The following RBAK variants were observed in gnomAD, a reference collection of about 807,000 sequenced individuals.
The protein encoded by RBAK is RB-associated KRAB zinc finger protein.
RBAK carries 39 observed loss-of-function variants against 65.8 expected under a neutral mutation model. That is an observed-to-expected ratio of 0.59 (90% CI 0.46 to 0.77). RBAK has a LOEUF of 0.77. RBAK is among the 30% of genes least tolerant of loss of function. The probability of loss-of-function intolerance (pLI) is 0.00; values close to 1 mark genes in which losing one functional copy is unlikely to be tolerated. For missense variants in RBAK, 884 were observed against 855.1 expected (o/e 1.03, Z -0.42); for synonymous variants, 343 against 289.7 (o/e 1.18, Z -1.87).
Position 5,065,916 on chromosome 7 carries a change from A to G in RBAK, c.*315A>G, listed in dbSNP as rs1296991860. 2.7e-5 allele frequency: 5 copies of G among 181,916 alleles called. No individual in the cohort carries two copies. The highest frequency in any genetic ancestry group is 5.7e-5 in the Non-Finnish European group (5 of 88,324). 11.3% of individuals were successfully genotyped at this position (181,916 alleles called of 1,614,324 possible). A position where few individuals can be genotyped will look rare whatever the true frequency, so the allele number is the denominator to read the frequency against. On this transcript the variant is annotated 3_prime_UTR_variant, in exon 5 of 5. Transcript: ENST00000396912. The surrounding 1 kb of genome is among the most constrained non-coding windows in gnomAD (Gnocchi z 5.3). ...TCATACAAAGGCAAAATCTGTCAAT[A>G]TGGTGAATGTGGAAAATATATTGTC...
At chr7:5,060,955 G>T (rs1409433633) in intron 4 of RBAK, among the ~76,000 whole-genome samples, 1 of 152,148 alleles carries the variant, frequency 6.6e-6, no homozygotes, top group Non-Finnish European at 1.5e-5. Flanking sequence ...CATCATAGGG[G>T]CAGCTTTAGG....
In RBAK at chr7:5,069,130, T is replaced by C. The variant is rs1313052888; in HGVS notation, c.*3529T>C. The C allele has an allele frequency of 1.3e-5, 2 of 152,218 alleles. No individual in the cohort carries two copies. Among genetic ancestry groups the C allele is most frequent in the East Asian group, 1.9e-4 (1 of 5,202 alleles). 9.4% of individuals were successfully genotyped at this position (152,218 alleles called of 1,614,324 possible). ...CTTAAGATATGTGTATTTTTCTGCA[T>C]GTGTGTTAAACTTTCCATAAAAGTT... On this transcript the variant is annotated 3_prime_UTR_variant, in exon 5 of 5. Coordinates refer to ENST00000396912, the MANE Select transcript of RBAK (RefSeq NM_021163.4).
At position 5,063,932 on chromosome 7, in the gene RBAK, G is replaced by A; in HGVS notation, c.476G>A (p.Arg159Lys). 6.2e-7 allele frequency: 1 copy of A among 1,613,980 alleles called. No homozygotes were observed. Among genetic ancestry groups the A allele is most frequent in the Non-Finnish European group, 8.5e-7 (1 of 1,179,948 alleles). ...QLISSDGSYARTKPDECNECG... is the reference protein window; with the variant it reads ...QLISSDGSYAKTKPDECNECG... ...ATTAGTAGTGATGGAAGCTATGCTA[G>A]GACAAAACCTGATGAGTGTAATGAA... The change falls in exon 5 of 5, where the codon AGG (arginine) becomes AAG (lysine). Residue 159 changes from arginine to lysine, a missense_variant. Coordinates refer to ENST00000396912, the MANE Select transcript of RBAK (RefSeq NM_021163.4).
At chr7:5,055,246 ATGTGTG>A (rs71535173) in intron 2 of RBAK, among the ~76,000 whole-genome samples, 19,356 of 146,758 alleles carry the variant, frequency 0.13, 1,303 homozygotes, top group South Asian at 0.2. Flanking sequence ...TGAGGCATAA[ATGTGTG>A]TGTGTGTGTG....
Position 5,068,144 on chromosome 7 carries a change from C to G in RBAK, c.*2543C>G, listed in dbSNP as rs766085031. On this transcript the variant is annotated 3_prime_UTR_variant, in exon 5 of 5. Coordinates refer to ENST00000396912, the MANE Select transcript of RBAK (RefSeq NM_021163.4). ...TATGTGACAACAGCACCGAGTATAG[C>G]AGAAGTGTTGGCAAACTTTATAAAG... 2 of 152,052 alleles carry G rather than the reference C, an allele frequency of 1.3e-5. No homozygotes were observed. The highest frequency in any genetic ancestry group is 4.8e-5 in the African/African-American group (2 of 41,360). 9.4% of individuals were successfully genotyped at this position (152,052 alleles called of 1,614,324 possible). A position where few individuals can be genotyped will look rare whatever the true frequency, so the allele number is the denominator to read the frequency against.
chr7:5,068,207 A>T lies in RBAK; in HGVS notation c.*2606A>T, dbSNP rs1779267979. The stretch of plus-strand genomic sequence containing the variant: ...TGGTGAAAATTTTCAGCTTTGTCAC[A>T]ACTGCTCATCTTTGCTATTGTGTGA... On this transcript the variant is annotated 3_prime_UTR_variant, in exon 5 of 5. Transcript: ENST00000396912. 1 of 152,174 alleles carries T rather than the reference A, an allele frequency of 6.6e-6. No individual in the cohort carries two copies. The highest frequency in any genetic ancestry group is 1.5e-5 in the Non-Finnish European group (1 of 68,030). 9.4% of individuals were successfully genotyped at this position (152,174 alleles called of 1,614,324 possible).
rs188626235 is a variant in RBAK, at chr7:5,061,418, T to C, written c.239-2277T>C. On this transcript the variant is annotated intron_variant, in intron 4 of 4. Coordinates refer to ENST00000396912, the MANE Select transcript of RBAK (RefSeq NM_021163.4). ...TATGACTTTCAAAACACTTCAAAGA[T>C]CTGATCTTGGGTTTTTTGTTTTGTT... Among the ~76,000 whole-genome samples the C allele has an allele frequency of 1.8e-4, 28 of 151,432 alleles. 1 individual carries two copies. In the Middle Eastern group the frequency reaches 0.014, roughly 75 times the overall value.
rs1006470366 is a variant in RBAK, at chr7:5,068,686, C to G, written c.*3085C>G. Reference sequence around the variant, plus strand: ...GCCAAGCATATGTATACTGTTTTACCCAAACCCAGCAAAAATGCATGTGTC... The same window carrying G: ...GCCAAGCATATGTATACTGTTTTACGCAAACCCAGCAAAAATGCATGTGTC... On this transcript the variant is annotated 3_prime_UTR_variant, in exon 5 of 5. Transcript: ENST00000396912. 19 of 152,088 alleles carry G rather than the reference C, an allele frequency of 1.2e-4. No individual in the cohort carries two copies. The highest frequency in any genetic ancestry group is 4.6e-4 in the African/African-American group (19 of 41,404). The allele number at this position is 152,088 out of a possible 1,614,324, so 9.4% of individuals were successfully genotyped here.
chr7:5,064,632 G>T lies in RBAK; in HGVS notation c.1176G>T (p.Gln392His). Residue 392 changes from glutamine to histidine, a missense_variant, in exon 5 of 5, where the codon CAG (glutamine) becomes CAT (histidine). Gln to His is a conservative substitution (Grantham distance 24). Coordinates refer to ENST00000396912, the MANE Select transcript of RBAK (RefSeq NM_021163.4). This position sits in a 1 kb window ranked among gnomAD's most constrained non-coding sequence, Gnocchi z 6.3. ...GCAAGTCTGCTCTCAGTGACCATCA[G>T]AGAACTCACACGGGAGAGAAGCTTT... The part of the protein sequence containing the change: ...FSRKSALSDH[Q>H]RTHTGEKLYK... The T allele has an allele frequency of 6.2e-7, 1 of 1,613,674 alleles. No homozygotes were observed. The highest frequency in any genetic ancestry group is 8.5e-7 in the Non-Finnish European group (1 of 1,179,696).
chr7:5,051,316 A>G (rs979377045), intron 2 of RBAK, among the ~76,000 whole-genome samples: 1 of 152,174 alleles, frequency 6.6e-6, no homozygotes, highest in African/African-American at 2.4e-5. Context: ...AATCATTTAT[A>G]TGCATATATA....
chr7:5,046,317 G>T lies in RBAK; in HGVS notation c.-124G>T. On this transcript the variant is annotated 5_prime_UTR_variant, in exon 1 of 5. Transcript: ENST00000396912. ...TGAGGTGGACAGGAGGGGACCTCGCGAGCAGACGCGCGCCAGCGACAGCAG... is the reference window on the plus strand; with the variant it reads ...TGAGGTGGACAGGAGGGGACCTCGCTAGCAGACGCGCGCCAGCGACAGCAG... 1 of 516,172 alleles carries T rather than the reference G, an allele frequency of 1.9e-6. No homozygotes were observed. Among genetic ancestry groups the T allele is most frequent in the South Asian group, 1.4e-5 (1 of 71,398 alleles). The allele number at this position is 516,172 out of a possible 1,614,324, so 32.0% of individuals were successfully genotyped here. A position where few individuals can be genotyped will look rare whatever the true frequency, so the allele number is the denominator to read the frequency against.
chr7:5,055,071 C>T (rs1425903750), intron 2 of RBAK, among the ~76,000 whole-genome samples: 7 of 152,074 alleles, frequency 4.6e-5, no homozygotes, highest in Admixed American at 3.3e-4. Context: ...CGTGAGCCAC[C>T]GTGCCCGAGC....
chr7:5,059,266 C>A (rs547776145), intron 4 of RBAK, among the ~76,000 whole-genome samples: 10 of 152,226 alleles, frequency 6.6e-5, no homozygotes, highest in African/African-American at 2.4e-4. Flanking sequence ...TACTTGCCCA[C>A]ATAATACATA....
chr7:5,046,812 C>T (rs1230632172), intron 1 of RBAK, among the ~76,000 whole-genome samples: 1 of 152,082 alleles, frequency 6.6e-6, no homozygotes, highest in East Asian at 1.9e-4. Context: ...TCTCTTGCTG[C>T]CTCAGTTGCT....
intron 4 of RBAK, among the ~76,000 whole-genome samples, chr7:5,061,311 G>A (rs944085749): frequency 3.3e-5 from 5 of 151,972 alleles, no homozygotes; most frequent in Admixed American, 1.3e-4. Flanking sequence ...CTGCTCTGGT[G>A]GTCATGCTCT....
Position 5,063,928 on chromosome 7 carries a change from G to A in RBAK, c.472G>A (p.Ala158Thr). The change falls in exon 5 of 5, where the codon GCT becomes ACT. Residue 158 changes from alanine (A) to threonine (T), a missense_variant. By Grantham distance (58) the Ala-to-Thr change is moderately conservative. Coordinates refer to ENST00000396912, the MANE Select transcript of RBAK (RefSeq NM_021163.4). ...SQLISSDGSYARTKPDECNEC... is the reference protein window; with the variant it reads ...SQLISSDGSYTRTKPDECNEC... ...ATTAATTAGTAGTGATGGAAGCTAT[G>A]CTAGGACAAAACCTGATGAGTGTAA... is the stretch of plus-strand genomic sequence containing the variant. 1 of 1,614,018 alleles carries A rather than the reference G, an allele frequency of 6.2e-7. No individual in the cohort carries two copies. The highest frequency in any genetic ancestry group is 8.5e-7 in the Non-Finnish European group (1 of 1,179,930).
Position 5,063,874 on chromosome 7 carries a change from T to C in RBAK, c.418T>C (p.Cys140Arg), listed in dbSNP as rs746726532. The change falls in exon 5 of 5, where the codon TGT (cysteine) becomes CGT (arginine). Residue 140 changes from cysteine (C) to arginine (R), a missense_variant. Physicochemically the swap from Cys to Arg is radical, Grantham distance 180. Coordinates refer to ENST00000396912, the MANE Select transcript of RBAK (RefSeq NM_021163.4). ...SSIIAHNCVS[C>R]GKNLESISQL... ...CATAATAGCTCATAATTGTGTCTCA[T>C]GTGGAAAGAATTTAGAATCTATTTC... is the stretch of plus-strand genomic sequence containing the variant. 5 of 1,613,962 alleles carry C rather than the reference T, an allele frequency of 3.1e-6. No homozygotes were observed. The highest frequency in any genetic ancestry group is 1.7e-5 in the Admixed American group (1 of 60,002).
intron 4 of RBAK, among the ~76,000 whole-genome samples, chr7:5,061,750 T>C (rs12671539): frequency 0.095 from 14,365 of 151,834 alleles, 839 homozygotes; most frequent in South Asian, 0.16. Context: ...ATACAAAAAT[T>C]AGCTGGGTGC....
chr7:5,057,165 C>G, intron 2 of RBAK, 130 bp from the exon 3 acceptor site: 3 of 1,400,814 alleles, frequency 2.1e-6, no homozygotes, highest in Non-Finnish European at 2.9e-6. Context: ...AATATGATTT[C>G]CCTTCCATAA....
Sources: allele counts gnomAD v4.1 joint callset (sites outside exome capture counted in the v4.1 genomes callset), GRCh38; gene constraint gnomAD v4.1.1; non-coding constraint Gnocchi (gnomAD v3.1); transcripts MANE v1.5; gene names NCBI Gene and HGNC (gene_info 2026-07-23, HGNC 2026-07-21).